Variants in RETREG1 observed in about 807,000 individuals in gnomAD.
RETREG1 encodes family with sequence similarity 134 member B.
In RETREG1, 44 loss-of-function variants were observed where a neutral mutation model predicts 54.8. The ratio of observed to expected loss-of-function variants is 0.80; its 90% confidence interval spans 0.63 to 1.03. The LOEUF is 1.03. RETREG1 is among the 50% of genes least tolerant of loss of function. The pLI is 0.00. For missense variants in RETREG1, 554 were observed against 605.1 expected (o/e 0.92, Z 0.89); for synonymous variants, 217 against 238.5 (o/e 0.91, Z 0.83).
chr5:16,583,581 C>T (rs1742549494), intron 1 of RETREG1, among the ~76,000 whole-genome samples: 5 of 152,042 alleles, frequency 3.3e-5, no homozygotes, highest in Admixed American at 3.3e-4. Context: ...TTTTCCATTA[C>T]TCCATGATGA....
At chr5:16,568,089 A>G (rs1350136278) in intron 2 of RETREG1, among the ~76,000 whole-genome samples, 1 of 152,140 alleles carries the variant, frequency 6.6e-6, no homozygotes, top group East Asian at 1.9e-4. Context: ...CAGGCCATAG[A>G]AGAGTTCCCC....
intron 3 of RETREG1, among the ~76,000 whole-genome samples, chr5:16,497,530 T>C (rs948495390): frequency 5.3e-5 from 8 of 152,348 alleles, no homozygotes; most frequent in Admixed American, 3.3e-4. Flanking sequence ...CAGATTTTCC[T>C]GGGTAAAGTC....
intron 1 of RETREG1, among the ~76,000 whole-genome samples, chr5:16,582,229 G>A (rs371144644): frequency 1.4e-4 from 22 of 152,126 alleles, no homozygotes; most frequent in African/African-American, 4.6e-4. Context: ...CCATATGCAC[G>A]TTCTTTTAGC....
rs763618762 is a variant in RETREG1 at position 16,474,558 on chromosome 5, TATCA to T, written c.*179_*182del. 148 of 678,272 alleles carry T rather than the reference TATCA, an allele frequency of 2.2e-4. No homozygotes were observed. Among genetic ancestry groups the T allele is most frequent in the South Asian group, 5.4e-4 (27 of 50,464 alleles). 42.0% of individuals were successfully genotyped at this position (678,272 alleles called of 1,614,324 possible). A position where few individuals can be genotyped will look rare whatever the true frequency, so the allele number is the denominator to read the frequency against. ...ATTACACAAAAATAACGATCAGAAA[TATCA>T]ATCTATCAGTGTCAGCTGATATATA... On this transcript the variant is annotated 3_prime_UTR_variant, in exon 9 of 9. Transcript: ENST00000306320.
At position 16,590,897 on chromosome 5, in the gene RETREG1, A is replaced by C. The variant is rs572050844; in HGVS notation, c.321-18795T>G. On this transcript the variant is annotated intron_variant, in intron 1 of 8. Transcript: ENST00000306320. ...AACATACACACACACGCACACACAC[A>C]TGCACAAACACAAAAAAACACACAC... Among the ~76,000 whole-genome samples, 178 of 131,786 alleles carry C rather than the reference A, an allele frequency of 1.4e-3. 1 individual carries two copies. Among genetic ancestry groups the C allele is most frequent in the African/African-American group, 4.3e-3 (172 of 40,240 alleles). 86.5% of individuals were successfully genotyped at this position (131,786 alleles called of 152,430 possible).
intron 3 of RETREG1, among the ~76,000 whole-genome samples, chr5:16,533,257 A>G (rs1398956164): frequency 6.6e-6 from 1 of 152,094 alleles, no homozygotes; most frequent in Admixed American, 6.6e-5. Context: ...GTTAGCCAGG[A>G]TGGTCTTGAT....
intron 1 of RETREG1, among the ~76,000 whole-genome samples, chr5:16,612,580 A>G (rs1743378673): frequency 6.6e-6 from 1 of 152,248 alleles, no homozygotes; most frequent in Admixed American, 6.5e-5. Context: ...TCATTGGTGA[A>G]ATGAGTGAGA....
At chr5:16,547,522 G>A (rs983423323) in intron 3 of RETREG1, among the ~76,000 whole-genome samples, 1 of 152,148 alleles carries the variant, frequency 6.6e-6, no homozygotes, top group African/African-American at 2.4e-5. Context: ...AGCAACAATG[G>A]GAATTTAATT....
At chr5:16,612,064 CAAA>C (rs35639329) in intron 1 of RETREG1, among the ~76,000 whole-genome samples, 5 of 120,406 alleles carry the variant, frequency 4.2e-5, no homozygotes, top group Admixed American at 8.6e-5. Context: ...GACTCCGTCT[CAAA>C]AAAAAAAAAA....
At position 16,562,270 on chromosome 5, in the gene RETREG1, G is replaced by A. The variant is rs540726972; in HGVS notation, c.458+3493C>T. On this transcript the variant is annotated intron_variant, in intron 3 of 8. Coordinates refer to ENST00000306320, the MANE Select transcript of RETREG1 (RefSeq NM_001034850.3). ...GCGGAGGTTGCAGTGAGCTGAGATCGCGCCATTGCACTCCAGCCTGGGCAA... is the reference window on the plus strand; with the variant it reads ...GCGGAGGTTGCAGTGAGCTGAGATCACGCCATTGCACTCCAGCCTGGGCAA... 5.9e-3 allele frequency among the ~76,000 whole-genome samples: 899 copies of A among 152,206 alleles called. 6 individuals are homozygous for A. Among genetic ancestry groups the A allele is most frequent in the African/African-American group, 0.021 (858 of 41,530 alleles).
chr5:16,601,755 C>T (rs1743061046), intron 1 of RETREG1, among the ~76,000 whole-genome samples: 1 of 152,048 alleles, frequency 6.6e-6, no homozygotes, highest in African/African-American at 2.4e-5. Flanking sequence ...CATAAGTTTC[C>T]AGCTGAGACT....
rs557500232 is a variant in RETREG1 at position 16,571,353 on chromosome 5, A to G, written c.427+643T>C. ...GATAAAATCTATCTCATTACATTTA[A>G]GTTTATGGGGCTTAATTATTCTCAG... On this transcript the variant is annotated intron_variant, in intron 2 of 8. Coordinates refer to ENST00000306320, the MANE Select transcript of RETREG1 (RefSeq NM_001034850.3). 3.3e-5 allele frequency among the ~76,000 whole-genome samples: 5 copies of G among 152,316 alleles called. No individual in the cohort carries two copies. The South Asian group carries it at 1.0e-3, about 32-fold the overall frequency.
intron 3 of RETREG1, among the ~76,000 whole-genome samples, chr5:16,545,666 C>T (rs1005257491): frequency 6.6e-6 from 1 of 152,116 alleles, no homozygotes; most frequent in African/African-American, 2.4e-5. Flanking sequence ...TCCTTTGATT[C>T]CTAGGAGGCT....
chr5:16,613,632 A>G (rs1033255427), intron 1 of RETREG1, among the ~76,000 whole-genome samples: 2 of 152,236 alleles, frequency 1.3e-5, no homozygotes, highest in South Asian at 2.1e-4. Flanking sequence ...GTGCTAAATC[A>G]TTCAAAAATA....
chr5:16,494,539 GC>G (rs1327379140), intron 3 of RETREG1, among the ~76,000 whole-genome samples: 4 of 152,074 alleles, frequency 2.6e-5, no homozygotes, highest in Admixed American at 1.3e-4. Context: ...GTGTGGCACC[GC>G]CCCCCTGCTC....
At chr5:16,535,214 C>T (rs926918387) in intron 3 of RETREG1, among the ~76,000 whole-genome samples, 81 of 152,324 alleles carry the variant, frequency 5.3e-4, no homozygotes, top group African/African-American at 1.9e-3. Context: ...TCCGTCCGCT[C>T]GCTCCCAGGC....
chr5:16,507,946 G>T (rs912750548), intron 3 of RETREG1, among the ~76,000 whole-genome samples: 1 of 152,190 alleles, frequency 6.6e-6, no homozygotes, highest in Non-Finnish European at 1.5e-5. Flanking sequence ...CTAAAATGCA[G>T]ACTTTCACTC....
chr5:16,474,705 G>GTGTTTTTTTTTTTC lies in RETREG1; in HGVS notation c.*35_*36insGAAAAAAAAAAACA. 1 of 1,453,218 alleles carries GTGTTTTTTTTTTTC rather than the reference G, an allele frequency of 6.9e-7. No homozygotes were observed. The highest frequency in any genetic ancestry group is 9.1e-7 in the Non-Finnish European group (1 of 1,102,406). 90.0% of individuals were successfully genotyped at this position (1,453,218 alleles called of 1,614,324 possible). On this transcript the variant is annotated 3_prime_UTR_variant, in exon 9 of 9. Coordinates refer to ENST00000306320, the MANE Select transcript of RETREG1 (RefSeq NM_001034850.3). ...TTTTTTCTTGTTTGAAATTTTTTTG[G>GTGTTTTTTTTTTTC]TGTTTTTTGTGCTCTGTTGCAAGCT...
intron 2 of RETREG1, among the ~76,000 whole-genome samples, chr5:16,571,451 C>A (rs561610181): frequency 8.5e-5 from 13 of 152,102 alleles, no homozygotes; most frequent in Non-Finnish European, 1.8e-4. Context: ...ATGCAAAAGA[C>A]TTGAGTCAGA....
Sources: allele counts gnomAD v4.1 joint callset (sites outside exome capture counted in the v4.1 genomes callset), GRCh38; gene constraint gnomAD v4.1.1; transcripts MANE v1.5; gene names NCBI Gene and HGNC (gene_info 2026-07-23, HGNC 2026-07-21).